The following MSH5 variants were observed in gnomAD, a reference collection of about 807,000 sequenced individuals.
The protein encoded by MSH5 is mutS homolog 5, also known as mutS protein homolog 5.
In MSH5, 78 loss-of-function variants were observed where a neutral mutation model predicts 107.7. That is an observed-to-expected ratio of 0.72 (90% CI 0.60 to 0.87). The LOEUF is 0.87. MSH5 is among the 40% of genes least tolerant of loss of function. The pLI is 0.00. For synonymous variants in MSH5, 326 were observed against 399.5 expected (o/e 0.82, Z 2.19); for missense variants, 889 against 1,046.6 (o/e 0.85, Z 2.08).
Position 31,742,902 on chromosome 6 carries a change from T to G in MSH5, c.297T>G (p.Ser99=). 1.2e-6 allele frequency: 2 copies of G among 1,613,048 alleles called. No homozygotes were observed. The highest frequency in any genetic ancestry group is 1.7e-6 in the Non-Finnish European group (2 of 1,180,028). ...QRVLDEINPQ[S]VVTSAKQDEN... is the part of the protein sequence containing the mutation. ...TTCTGGATGAGATCAATCCCCAGTC[T>G]GTTGTTACGAGTGCCAAACAGGATG... The change falls in exon 4 of 25, where the codon TCT becomes TCG. Residue 99 remains serine, a synonymous_variant. Transcript: ENST00000375750.
At chr6:31,743,829 T>C (rs1009354177) in intron 5 of MSH5, 75 bp from the exon 6 acceptor site, 58 of 1,573,020 alleles carry the variant, frequency 3.7e-5, no homozygotes, top group Non-Finnish European at 5.0e-5. Context: ...CTCTTGCTTC[T>C]ATTGTCTCAT....
At chr6:31,743,305 C>A in intron 5 of MSH5, 135 bp downstream of exon 5, 1 of 883,388 alleles carries the variant, frequency 1.1e-6, no homozygotes. Flanking sequence ...TGCCCTATGA[C>A]CTGTCCCCCC....
At chr6:31,762,282 C>T in intron 24 of MSH5, 97 bp downstream of exon 24, 1 of 1,443,506 alleles carries the variant, frequency 6.9e-7, no homozygotes, top group Non-Finnish European at 9.7e-7. Flanking sequence ...GCACTTTGCC[C>T]TTCAGAAACC....
At chr6:31,753,190 G>T (rs146718026) in intron 10 of MSH5, 111 bp from the exon 11 acceptor site, 1 of 1,329,068 alleles carries the variant, frequency 7.5e-7, no homozygotes, top group Non-Finnish European at 1.0e-6. Flanking sequence ...ATAGCACATC[G>T]TGGATACATA....
At position 31,758,317 on chromosome 6, in the gene MSH5, G is replaced by A; in HGVS notation, c.1143+24G>A. The A allele has an allele frequency of 2.5e-6, 4 of 1,611,030 alleles. No homozygotes were observed. The highest frequency in any genetic ancestry group is 3.4e-6 in the Non-Finnish European group (4 of 1,178,750). Reference sequence around the variant, plus strand: ...TAGTGAGTAGAAGGAAAAAGGGAGTGCACCCAGGGAGGTCAGGGAGAGAGA... The same window carrying A: ...TAGTGAGTAGAAGGAAAAAGGGAGTACACCCAGGGAGGTCAGGGAGAGAGA... On this transcript the variant is annotated intron_variant, in intron 13 of 24. Coordinates refer to ENST00000375750, the MANE Select transcript of MSH5 (RefSeq NM_172166.4). This position sits in a 1 kb window ranked among gnomAD's most constrained non-coding sequence, Gnocchi z 5.1.
chr6:31,747,947 T>G (rs1487635250), intron 10 of MSH5, among the ~76,000 whole-genome samples: 1 of 150,766 alleles, frequency 6.6e-6, no homozygotes, highest in Admixed American at 6.6e-5. Flanking sequence ...GAGGTTGCAG[T>G]GAGCCAAGAT....
chr6:31,761,905 A>G lies in MSH5; in HGVS notation c.2269A>G (p.Thr757Ala). The change falls in exon 23 of 25, where the codon ACA becomes GCA. Residue 757 changes from threonine (T) to alanine (A), a missense_variant. Around this residue, in one of 3 missense-constraint regions of MSH5, gnomAD observed 362 missense variants for 456.2 expected, o/e 0.79. Transcript: ENST00000375750. The surrounding 1 kb of genome is among the most constrained non-coding windows in gnomAD (Gnocchi z 5.3). ...TGCGAAGGCCAGCCATGCCTCCCAC[A>G]CAGCTGCCCAGGCTGGGCTTCCTGA... ...GVAKASHASH[T>A]AAQAGLPDKL... 1 of 1,613,392 alleles carries G rather than the reference A, an allele frequency of 6.2e-7. No homozygotes were observed.
chr6:31,752,552 T>C (rs1037892553), intron 10 of MSH5, among the ~76,000 whole-genome samples: 1 of 151,792 alleles, frequency 6.6e-6, no homozygotes, highest in African/African-American at 2.4e-5. Flanking sequence ...AAACCCTGAC[T>C]CTACTAAAAA....
intron 10 of MSH5, among the ~76,000 whole-genome samples, chr6:31,749,460 T>C (rs1186497590): frequency 6.6e-6 from 1 of 151,866 alleles, no homozygotes; most frequent in Non-Finnish European, 1.5e-5. Context: ...GAGAATTGCT[T>C]GAACTCGGGA....
intron 10 of MSH5, among the ~76,000 whole-genome samples, chr6:31,750,894 C>T (rs1490822269): frequency 1.3e-5 from 2 of 152,192 alleles, no homozygotes; most frequent in African/African-American, 4.8e-5. Flanking sequence ...AATTTGTGGG[C>T]TCACAAGTCC....
chr6:31,760,655 A>ACCAGGCC lies in MSH5; in HGVS notation c.1813-26_1813-20dup, dbSNP rs1810906536. The ACCAGGCC allele has an allele frequency of 1.2e-6, 2 of 1,612,318 alleles. No individual in the cohort carries two copies. The highest frequency in any genetic ancestry group is 2.2e-5 in the East Asian group (1 of 44,884). On this transcript the variant is annotated intron_variant, in intron 19 of 24. Coordinates refer to ENST00000375750, the MANE Select transcript of MSH5 (RefSeq NM_172166.4). This position sits in a 1 kb window ranked among gnomAD's most constrained non-coding sequence, Gnocchi z 5.6. Reference sequence around the variant, plus strand: ...CCTCACTTTCACCTCAGCCCACGGCACCAGGCCCCAGGCCCTGTCTCCTTC... The same window carrying ACCAGGCC: ...CCTCACTTTCACCTCAGCCCACGGCACCAGGCCCCAGGCCCCAGGCCCTGTCTCCTTC...
chr6:31,744,657 G>A, intron 8 of MSH5, 76 bp downstream of exon 8: 1 of 1,506,030 alleles, frequency 6.6e-7, no homozygotes, highest in Non-Finnish European at 9.2e-7. Context: ...ATCCTAATGA[G>A]GCTCTAGTTT....
At chr6:31,741,082 T>C (rs1371998447) in intron 2 of MSH5, 81 bp from the exon 3 acceptor site, 2 of 1,519,534 alleles carry the variant, frequency 1.3e-6, no homozygotes, top group African/African-American at 2.8e-5. Flanking sequence ...TTTGAGAAAA[T>C]GATTAAATTA....
In MSH5 at chr6:31,760,363, TC is replaced by T; in HGVS notation, c.1812+149del. 8.4e-7 allele frequency: 1 copy of T among 1,188,196 alleles called. No homozygotes were observed. The highest frequency in any genetic ancestry group is 1.2e-6 in the Non-Finnish European group (1 of 861,582). The allele number at this position is 1,188,196 out of a possible 1,614,324, so 73.6% of individuals were successfully genotyped here. ...GGACCATCACCCACATCCCTGTGCT[TC>T]CACCTCACATGTTCTTATTCTCCAC... On this transcript the variant is annotated intron_variant, in intron 19 of 24. Coordinates refer to ENST00000375750, the MANE Select transcript of MSH5 (RefSeq NM_172166.4). This position sits in a 1 kb window ranked among gnomAD's most constrained non-coding sequence, Gnocchi z 5.6.
Position 31,743,919 on chromosome 6 carries a change from A to C in MSH5, c.431A>C (p.Lys144Thr). ...CCTCAAATAGGTCTGGAGATAAGCAAACAACGCCTCCTTTCTGGAAACTAC... is the reference window on the plus strand; with the variant it reads ...CCTCAAATAGGTCTGGAGATAAGCACACAACGCCTCCTTTCTGGAAACTAC... Reference protein sequence around the residue: ...PSVDFGLEISKQRLLSGNYSF... With the variant: ...PSVDFGLEISTQRLLSGNYSF... The change falls in exon 6 of 25, where the codon AAA (lysine) becomes ACA (threonine). Residue 144 changes from lysine (K) to threonine (T), a missense_variant. This residue lies in a region of MSH5 where 518 missense variants were observed against 565.0 expected (regional missense o/e 0.92). Coordinates refer to ENST00000375750, the MANE Select transcript of MSH5 (RefSeq NM_172166.4). The C allele has an allele frequency of 6.2e-7, 1 of 1,613,322 alleles. No individual in the cohort carries two copies. The highest frequency in any genetic ancestry group is 8.5e-7 in the Non-Finnish European group (1 of 1,180,008).
intron 6 of MSH5, 42 bp downstream of exon 6, chr6:31,744,067 A>G: frequency 6.2e-7 from 1 of 1,612,396 alleles, no homozygotes; most frequent in Non-Finnish European, 8.5e-7. Context: ...AGGCGGCACA[A>G]GTGCTAGGGC....
chr6:31,740,234 G>C lies in MSH5; in HGVS notation c.-14+172G>C, dbSNP rs1433156731. The stretch of plus-strand genomic sequence containing the variant: ...TCCTTCCAAAGGGTAACCTCCGCGT[G>C]ACAGGAATGAGGGTGGGGCGCGTGG... On this transcript the variant is annotated intron_variant, in intron 1 of 24. Transcript: ENST00000375750. The surrounding 1 kb of genome is among the most constrained non-coding windows in gnomAD (Gnocchi z 4.4). 2.1e-6 allele frequency: 1 copy of C among 471,188 alleles called. No individual in the cohort carries two copies. The highest frequency in any genetic ancestry group is 3.6e-5 in the East Asian group (1 of 27,624). The allele number at this position is 471,188 out of a possible 1,614,324, so 29.2% of individuals were successfully genotyped here.
At position 31,740,648 on chromosome 6, in the gene MSH5, T is replaced by G; in HGVS notation, c.147+35T>G. On this transcript the variant is annotated intron_variant, in intron 2 of 24. Transcript: ENST00000375750. The surrounding 1 kb of genome is among the most constrained non-coding windows in gnomAD (Gnocchi z 4.4). ...GGGAGTAGAAACTTGAATGGAGAGT[T>G]GATGGGAAGTTAGAATAAAAGAGGG... The G allele has an allele frequency of 1.4e-6, 2 of 1,455,576 alleles. No individual in the cohort carries two copies. Among genetic ancestry groups the G allele is most frequent in the Middle Eastern group, 1.9e-4 (1 of 5,210 alleles). The allele number at this position is 1,455,576 out of a possible 1,614,324, so 90.2% of individuals were successfully genotyped here.
At position 31,743,096 on chromosome 6, in the gene MSH5, C is replaced by T. The variant is rs1439800390; in HGVS notation, c.353-12C>T. ...TGTAAAGAATGATAGCCTTTTCTTT[C>T]CTCCCCCACAGCCTCCCAGGAGCAC... is the stretch of plus-strand genomic sequence containing the variant. On this transcript the variant is annotated splice_polypyrimidine_tract_variant and intron_variant, in intron 4 of 24. Transcript: ENST00000375750. 1 of 1,612,838 alleles carries T rather than the reference C, an allele frequency of 6.2e-7. No individual in the cohort carries two copies. Among genetic ancestry groups the T allele is most frequent in the East Asian group, 2.2e-5 (1 of 44,892 alleles).
Sources: allele counts gnomAD v4.1 joint callset (sites outside exome capture counted in the v4.1 genomes callset), GRCh38; gene constraint gnomAD v4.1.1; regional missense constraint gnomAD v4.1.1; non-coding constraint Gnocchi (gnomAD v3.1); transcripts MANE v1.5; gene names NCBI Gene and HGNC (gene_info 2026-07-23, HGNC 2026-07-21).